Variants in SV2C observed in about 807,000 individuals in gnomAD.
The protein encoded by SV2C is solute carrier family 22 member B3.
In SV2C, 49 loss-of-function variants were observed where a neutral mutation model predicts 79.7. That is an observed-to-expected ratio of 0.61 (90% confidence interval 0.49 to 0.78). The LOEUF (loss-of-function observed/expected upper bound fraction) is 0.78. Ranked by LOEUF, SV2C falls within the 30% of genes least tolerant of loss-of-function variation. SV2C has a pLI of 0.00. For synonymous variants in SV2C, 334 were observed against 333.2 expected, an observed-to-expected ratio of 1.00 and a Z score of -0.03; for missense variants, 833 against 912.9, an observed-to-expected ratio of 0.91 and a Z score of 1.13.
At chr5:76,115,678 G>C (rs1372862174) in intron 1 of SV2C, among the ~76,000 whole-genome samples, 1 of 152,204 alleles carries the variant, frequency 6.6e-6, no homozygotes, top group Non-Finnish European at 1.5e-5. Context: ...AAGAAAAGGA[G>C]GCATTGCCAA....
the SV2C span, among the ~76,000 whole-genome samples, chr5:75,951,703 G>T: frequency 1.3e-5 from 2 of 152,034 alleles, no homozygotes; most frequent in African/African-American, 2.4e-5. Flanking sequence ...TGTCTTGCCT[G>T]TTCTTTCAAT....
intron 4 of SV2C, among the ~76,000 whole-genome samples, chr5:76,213,923 G>C (rs1425621355): frequency 6.6e-6 from 1 of 152,028 alleles, no homozygotes; most frequent in East Asian, 1.9e-4. Context: ...CTTTCTATGA[G>C]TTCAACTTTT....
chr5:75,915,023 A>G, the SV2C span, among the ~76,000 whole-genome samples: 1 of 152,200 alleles, frequency 6.6e-6, no homozygotes, highest in East Asian at 1.9e-4. Flanking sequence ...TAAAACCATC[A>G]GATTTCTTGA....
intron 4 of SV2C, among the ~76,000 whole-genome samples, chr5:76,253,319 T>G (rs1462254043): frequency 6.6e-6 from 1 of 152,126 alleles, no homozygotes; most frequent in Non-Finnish European, 1.5e-5. Flanking sequence ...TGAGACGAGA[T>G]CTCACTCTGT....
At chr5:76,317,987 C>T (rs900052454) in intron 12 of SV2C, among the ~76,000 whole-genome samples, 2 of 152,018 alleles carry the variant, frequency 1.3e-5, no homozygotes, top group Non-Finnish European at 2.9e-5. Context: ...TTTCTTCTTC[C>T]TAGGAGCCTC....
chr5:76,108,874 G>A (rs1734211344), intron 1 of SV2C, among the ~76,000 whole-genome samples: 1 of 152,146 alleles, frequency 6.6e-6, no homozygotes, highest in African/African-American at 2.4e-5. Context: ...ACTAACTTTT[G>A]AGCTATCTGC....
At chr5:76,318,826 T>G (rs1748723384) in intron 12 of SV2C, among the ~76,000 whole-genome samples, 1 of 152,000 alleles carries the variant, frequency 6.6e-6, no homozygotes, top group Admixed American at 6.5e-5. Context: ...GCTTGTTGTT[T>G]AAGAGAAGGC....
chr5:76,260,211 T>C (rs1403529262), intron 4 of SV2C, among the ~76,000 whole-genome samples: 1 of 152,258 alleles, frequency 6.6e-6, no homozygotes, highest in Non-Finnish European at 1.5e-5. Context: ...GAGCTTTTTT[T>C]CCTATGTTTG....
chr5:76,071,902 A>T, the SV2C span, among the ~76,000 whole-genome samples: 1 of 152,220 alleles, frequency 6.6e-6, no homozygotes, highest in African/African-American at 2.4e-5. Context: ...AATGTTAAAA[A>T]GAAATTCTAG....
chr5:76,144,133 ATG>A (rs974103917), intron 2 of SV2C, among the ~76,000 whole-genome samples: 1 of 152,194 alleles, frequency 6.6e-6, no homozygotes, highest in African/African-American at 2.4e-5. Flanking sequence ...GATAAATTTT[ATG>A]TTCTGTGTGT....
chr5:76,254,134 A>T (rs1256837126), intron 4 of SV2C, among the ~76,000 whole-genome samples: 2 of 148,824 alleles, frequency 1.3e-5, no homozygotes, highest in African/African-American at 5.0e-5. Context: ...ATTATTAAAT[A>T]TATGTGTTAT....
the SV2C span, among the ~76,000 whole-genome samples, chr5:75,966,858 T>C: frequency 6.6e-6 from 1 of 152,148 alleles, no homozygotes; most frequent in Non-Finnish European, 1.5e-5. Flanking sequence ...CACTACTGCA[T>C]TGTATGGTAG....
chr5:75,928,812 A>G, the SV2C span, among the ~76,000 whole-genome samples: 1 of 152,044 alleles, frequency 6.6e-6, no homozygotes, highest in Non-Finnish European at 1.5e-5. Flanking sequence ...CACTCCCCAG[A>G]CCCCATCTCA....
chr5:76,305,490 TTG>T (rs1160547360), intron 12 of SV2C, among the ~76,000 whole-genome samples: 1 of 152,178 alleles, frequency 6.6e-6, no homozygotes, highest in East Asian at 1.9e-4. Flanking sequence ...TCCTTCTCTG[TTG>T]TGCAATCAGG....
chr5:76,178,870 G>T (rs1479121240), intron 2 of SV2C, among the ~76,000 whole-genome samples: 1 of 152,104 alleles, frequency 6.6e-6, no homozygotes, highest in East Asian at 1.9e-4. Flanking sequence ...TTTCATTTTT[G>T]AGTTAGTTCT....
chr5:76,129,361 C>T (rs1301175037), intron 1 of SV2C, among the ~76,000 whole-genome samples: 1 of 152,120 alleles, frequency 6.6e-6, no homozygotes, highest in Non-Finnish European at 1.5e-5. Context: ...ACCTGAGCTT[C>T]GATTTGGGGG....
intron 4 of SV2C, among the ~76,000 whole-genome samples, chr5:76,260,595 A>T (rs1443275896): frequency 6.6e-6 from 1 of 152,156 alleles, no homozygotes; most frequent in African/African-American, 2.4e-5. Context: ...TTAAGTCTTT[A>T]ATCTATCTTG....
At chr5:76,034,543 G>A in the SV2C span, among the ~76,000 whole-genome samples, 66 of 152,114 alleles carry the variant, frequency 4.3e-4, no homozygotes, top group Non-Finnish European at 1.6e-4. Flanking sequence ...TTATATGCTG[G>A]ATTACATTTA....
At chr5:76,215,158 T>C (rs1377599683) in intron 4 of SV2C, among the ~76,000 whole-genome samples, 2 of 152,180 alleles carry the variant, frequency 1.3e-5, no homozygotes, top group Admixed American at 6.5e-5. Flanking sequence ...CTTGATTATG[T>C]TAAGGTACAT....
Sources: gnomAD v4.1 joint callset for allele counts (sites outside exome capture counted in the v4.1 genomes callset) on GRCh38, gnomAD v4.1.1 for gene constraint, MANE v1.5 for transcripts, NCBI Gene and HGNC (gene_info 2026-07-23, HGNC 2026-07-21) for gene names.